The following SAMD4A variants were observed in gnomAD, a reference collection of about 807,000 sequenced individuals.
SAMD4A encodes protein Smaug homolog 1.
A neutral mutation model predicts 81.3 loss-of-function variants in SAMD4A; 33 were observed. The ratio of observed to expected loss-of-function variants is 0.41; its 90% CI spans 0.31 to 0.54. SAMD4A has a LOEUF of 0.54. SAMD4A is among the 20% of genes least tolerant of loss of function. The pLI is 0.37. For missense variants in SAMD4A, 854 were observed against 951.1 expected, an observed-to-expected ratio of 0.90 and a Z score of 1.34; for synonymous variants, 389 against 382.1, an observed-to-expected ratio of 1.02 and a Z score of -0.21.
At chr14:54,635,193 C>T (rs1442431913) in intron 2 of SAMD4A, among the ~76,000 whole-genome samples, 3 of 152,008 alleles carry the variant, frequency 2.0e-5, no homozygotes, top group South Asian at 2.1e-4. Context: ...GAGGCTGAGG[C>T]GGGTGGATCA....
chr14:54,600,243 G>A (rs2034019222), intron 2 of SAMD4A, among the ~76,000 whole-genome samples: 1 of 152,206 alleles, frequency 6.6e-6, no homozygotes, highest in South Asian at 2.1e-4. Context: ...TCCTGAGCAT[G>A]TCACTGTCAT....
At chr14:54,733,814 C>G (rs896077269) in intron 3 of SAMD4A, among the ~76,000 whole-genome samples, 1 of 149,754 alleles carries the variant, frequency 6.7e-6, no homozygotes, top group Non-Finnish European at 1.5e-5. Context: ...TACTACTCTT[C>G]CTGCCTACTC....
intron 3 of SAMD4A, among the ~76,000 whole-genome samples, chr14:54,712,872 C>T (rs1234016822): frequency 6.6e-6 from 1 of 152,128 alleles, no homozygotes; most frequent in Non-Finnish European, 1.5e-5. Flanking sequence ...GTTGTGTTCT[C>T]ATTCCCCACC....
At chr14:54,738,324 C>G (rs2037751254) in intron 4 of SAMD4A, among the ~76,000 whole-genome samples, 1 of 152,192 alleles carries the variant, frequency 6.6e-6, no homozygotes, top group South Asian at 2.1e-4. Flanking sequence ...TGCCCAACCA[C>G]TGGTTATAAG....
At chr14:54,579,565 ATTCTT>A (rs1452764643) in intron 2 of SAMD4A, among the ~76,000 whole-genome samples, 1 of 152,232 alleles carries the variant, frequency 6.6e-6, no homozygotes, top group African/African-American at 2.4e-5. Flanking sequence ...TCTTGGAAAA[ATTCTT>A]TTCAGCTTGT....
At chr14:54,723,076 A>G (rs754255387) in intron 3 of SAMD4A, among the ~76,000 whole-genome samples, 7 of 145,032 alleles carry the variant, frequency 4.8e-5, no homozygotes, top group Non-Finnish European at 9.1e-5. Context: ...TCAGAGAGAC[A>G]TTATGGTTAT....
At chr14:54,764,611 A>G (rs2038488753) in intron 8 of SAMD4A, 71 bp downstream of exon 8, 18 of 1,030,960 alleles carry the variant, frequency 1.7e-5, no homozygotes, top group South Asian at 1.3e-4. Context: ...AGTTTCTGTG[A>G]TGTGATCATT....
At chr14:54,572,734 G>T (rs1302587784) in intron 2 of SAMD4A, among the ~76,000 whole-genome samples, 3 of 152,196 alleles carry the variant, frequency 2.0e-5, no homozygotes, top group Non-Finnish European at 4.4e-5. Context: ...GAGAAATGAT[G>T]ATTATAAAAC....
intron 3 of SAMD4A, among the ~76,000 whole-genome samples, chr14:54,730,498 C>T (rs1464342561): frequency 2.0e-5 from 3 of 152,296 alleles, no homozygotes; most frequent in Non-Finnish European, 2.9e-5. Flanking sequence ...CTTCTTCCCC[C>T]GGAATGAGGT....
Position 54,770,115 on chromosome 14 carries a change from G to A in SAMD4A, c.1608G>A (p.Glu536=). ...DKCLIHEAFT[E]TQKKRLLSWK... ...GTTTGTTTTTGCAGGCATTTACAGA[G>A]ACACAGAAAAAAAGATTGTTGTCAT... Residue 536 remains glutamate (E), a synonymous_variant, in exon 9 of 13, where the codon GAG becomes GAA. Coordinates refer to ENST00000554335, the MANE Select transcript of SAMD4A (RefSeq NM_015589.6). 6.2e-7 allele frequency: 1 copy of A among 1,613,202 alleles called. No individual in the cohort carries two copies. Among genetic ancestry groups the A allele is most frequent in the Middle Eastern group, 1.7e-4 (1 of 6,060 alleles).
rs577071065 is a variant in SAMD4A at position 54,585,497 on chromosome 14, A to C, written c.196+17385A>C. Among the ~76,000 whole-genome samples the C allele has an allele frequency of 2.0e-5, 3 of 152,220 alleles. No individual in the cohort carries two copies. In the East Asian group the frequency reaches 5.8e-4, roughly 29 times the overall value. On this transcript the variant is annotated intron_variant, in intron 2 of 12. Transcript: ENST00000554335. The stretch of plus-strand genomic sequence containing the variant: ...GGAACAAATGGTATTTGGTCACATG[A>C]ATAAGTTCTTTAGTGGTGATTTCTG...
At chr14:54,648,656 T>C (rs1388794232) in intron 2 of SAMD4A, among the ~76,000 whole-genome samples, 1 of 151,976 alleles carries the variant, frequency 6.6e-6, no homozygotes, top group Non-Finnish European at 1.5e-5. Flanking sequence ...AGGCAGAGTG[T>C]GGTAGGAAAT....
intron 2 of SAMD4A, among the ~76,000 whole-genome samples, chr14:54,614,642 A>G (rs1479117715): frequency 6.6e-6 from 1 of 152,222 alleles, no homozygotes; most frequent in Non-Finnish European, 1.5e-5. Flanking sequence ...TTGTTTTCAT[A>G]AAGTGTTTCA....
intron 2 of SAMD4A, among the ~76,000 whole-genome samples, chr14:54,580,350 G>A (rs1221311770): frequency 6.6e-6 from 1 of 152,108 alleles, no homozygotes; most frequent in East Asian, 1.9e-4. Context: ...ACCCCTTTCT[G>A]TTTCTTTACT....
At chr14:54,762,755 C>A (rs2038434822) in intron 7 of SAMD4A, among the ~76,000 whole-genome samples, 1 of 152,216 alleles carries the variant, frequency 6.6e-6, no homozygotes, top group African/African-American at 2.4e-5. Flanking sequence ...CACCCTCCCC[C>A]AACCCCAAAC....
intron 2 of SAMD4A, among the ~76,000 whole-genome samples, chr14:54,662,979 T>A (rs1170063386): frequency 6.6e-6 from 1 of 152,148 alleles, no homozygotes; most frequent in Non-Finnish European, 1.5e-5. Flanking sequence ...ACAGCCTTTG[T>A]TGCACAGTGG....
chr14:54,718,213 C>T (rs2037170551), intron 3 of SAMD4A, among the ~76,000 whole-genome samples: 1 of 152,210 alleles, frequency 6.6e-6, no homozygotes. Flanking sequence ...TGCGTGTGAG[C>T]TGCCTTCCAC....
At chr14:54,735,122 A>G (rs2140918847) in intron 3 of SAMD4A, 1 of 152,268 alleles carries the variant, frequency 6.6e-6, no homozygotes, top group African/African-American at 2.4e-5. Flanking sequence ...CCAATTTTAT[A>G]TAAATACTTA....
In SAMD4A at chr14:54,702,348, G is replaced by C; in HGVS notation, c.483G>C (p.Gln161His). The C allele has an allele frequency of 6.2e-7, 1 of 1,614,194 alleles. No individual in the cohort carries two copies. The highest frequency in any genetic ancestry group is 1.1e-5 in the South Asian group (1 of 91,086). ...GCACGTCGACCAGCTTTGGTGGCCA[G>C]AACCGAGGCCGCTCAGACTCTGTGG... ...EDRTSTSFGG[Q>H]NRGRSDSVDY... The change falls in exon 3 of 13, where the codon CAG becomes CAC. Residue 161 changes from glutamine to histidine, a missense_variant. By Grantham distance (24) the Gln-to-His change is conservative. Around this residue, in one of 3 missense-constraint regions of SAMD4A, gnomAD observed 387 missense variants for 405.8 expected, o/e 0.95. Coordinates refer to ENST00000554335, the MANE Select transcript of SAMD4A (RefSeq NM_015589.6).
Sources: allele counts gnomAD v4.1 joint callset (sites outside exome capture counted in the v4.1 genomes callset), GRCh38; gene constraint gnomAD v4.1.1; regional missense constraint gnomAD v4.1.1; transcripts MANE v1.5; gene names NCBI Gene and HGNC (gene_info 2026-07-23, HGNC 2026-07-21).